Variants in RANBP17 observed in about 807,000 individuals in gnomAD.
RANBP17 encodes RAN binding protein 17, also known as ran-binding protein 17.
A neutral mutation model predicts 141.2 loss-of-function variants in RANBP17; 158 were observed. The ratio of observed to expected loss-of-function variants is 1.12; its 90% CI spans 0.98 to 1.28. The LOEUF (loss-of-function observed/expected upper bound fraction) is 1.28. Among genes scored for constraint, RANBP17 ranks in the 50% most tolerant of loss-of-function variants. The pLI, the probability that RANBP17 is intolerant of heterozygous loss-of-function variation, is 0.00. For synonymous variants in RANBP17, 430 were observed against 450.0 expected (o/e 0.96, Z 0.56); for missense variants, 1,438 against 1,290.7 (o/e 1.11, Z -1.75).
At chr5:170,913,397 T>C (rs1224144095) in intron 7 of RANBP17, among the ~76,000 whole-genome samples, 1 of 151,986 alleles carries the variant, frequency 6.6e-6, no homozygotes, top group African/African-American at 2.4e-5. Flanking sequence ...GTGGAACATG[T>C]TATGAAGAAC....
intron 22 of RANBP17, 137 bp from the exon 23 acceptor site, chr5:171,240,791 T>A: frequency 1.7e-6 from 1 of 580,588 alleles, no homozygotes; most frequent in Non-Finnish European, 3.0e-6. Context: ...TTTATTACAA[T>A]GAATAAAAAA....
At chr5:171,074,937 C>T (rs1427206223) in intron 14 of RANBP17, among the ~76,000 whole-genome samples, 1 of 152,174 alleles carries the variant, frequency 6.6e-6, no homozygotes, top group Non-Finnish European at 1.5e-5. Flanking sequence ...TTTGCACATG[C>T]TGTCTCAATC....
intron 25 of RANBP17, among the ~76,000 whole-genome samples, chr5:171,275,190 A>T (rs900569612): frequency 2.6e-5 from 4 of 152,252 alleles, no homozygotes; most frequent in African/African-American, 9.6e-5. Flanking sequence ...AGCCAGTGAC[A>T]ATACATTTAA....
chr5:171,231,471 T>TA (rs1764206672), intron 22 of RANBP17, among the ~76,000 whole-genome samples: 1 of 152,178 alleles, frequency 6.6e-6, no homozygotes, highest in Non-Finnish European at 1.5e-5. Flanking sequence ...CCATCTTCAA[T>TA]ATAGTTTTCT....
intron 14 of RANBP17, among the ~76,000 whole-genome samples, chr5:171,059,038 A>G (rs1316860448): frequency 1.4e-5 from 2 of 143,098 alleles, no homozygotes; most frequent in East Asian, 4.7e-4. Context: ...AATTTGTTTG[A>G]GTTCATTGTA....
chr5:171,046,740 C>T (rs1782614425), intron 14 of RANBP17, among the ~76,000 whole-genome samples: 1 of 151,972 alleles, frequency 6.6e-6, no homozygotes, highest in Non-Finnish European at 1.5e-5. Flanking sequence ...TGCAATTTGC[C>T]TTCCAAGAAG....
At chr5:171,237,941 T>C (rs1316673027) in intron 22 of RANBP17, among the ~76,000 whole-genome samples, 1 of 152,198 alleles carries the variant, frequency 6.6e-6, no homozygotes, top group Non-Finnish European at 1.5e-5. Flanking sequence ...TTTCAGCTTT[T>C]TGAGGGCAGG....
intron 2 of RANBP17, among the ~76,000 whole-genome samples, chr5:170,879,186 G>A (rs1290118488): frequency 6.6e-6 from 1 of 151,948 alleles, no homozygotes; most frequent in Non-Finnish European, 1.5e-5. Context: ...ACATAGATAG[G>A]TACTGCTAAA....
intron 14 of RANBP17, among the ~76,000 whole-genome samples, chr5:171,057,451 G>A (rs76151538): frequency 0.027 from 4,051 of 151,816 alleles, 175 homozygotes; most frequent in African/African-American, 0.092. Flanking sequence ...ATATCTCCTG[G>A]AAATCATTCC....
Position 171,171,299 on chromosome 5 carries a change from C to T in RANBP17, c.1865+13C>T. On this transcript the variant is annotated intron_variant, in intron 16 of 27. Coordinates refer to ENST00000523189, the MANE Select transcript of RANBP17 (RefSeq NM_022897.5). ...ACCTTTCTGTTGGATATCCTTTTCA[C>T]TGTATATCTGACATTATGTGTAAAC... 1 of 1,408,568 alleles carries T rather than the reference C, an allele frequency of 7.1e-7. No individual in the cohort carries two copies. Among genetic ancestry groups the T allele is most frequent in the Non-Finnish European group, 9.9e-7 (1 of 1,007,114 alleles). 87.3% of individuals were successfully genotyped at this position (1,408,568 alleles called of 1,614,324 possible).
chr5:171,106,315 T>C (rs1754830583), intron 14 of RANBP17, among the ~76,000 whole-genome samples: 2 of 151,996 alleles, frequency 1.3e-5, no homozygotes, highest in African/African-American at 2.4e-5. Flanking sequence ...GCCTTGAAGA[T>C]GAAGTGGGAG....
chr5:171,062,032 T>G (rs1783910872), intron 14 of RANBP17, among the ~76,000 whole-genome samples: 1 of 151,758 alleles, frequency 6.6e-6, no homozygotes, highest in Admixed American at 6.6e-5. Flanking sequence ...CTCCATCCTT[T>G]TATTTTGAGC....
At position 171,204,069 on chromosome 5, in the gene RANBP17, C is replaced by T. The variant is rs1427332793; in HGVS notation, c.2143-1455C>T. ...AAAAGGCAAAATGTTTAAAAACAAGCAGCAGGTTACATGAGGGAACTACAA... is the reference window on the plus strand; with the variant it reads ...AAAAGGCAAAATGTTTAAAAACAAGTAGCAGGTTACATGAGGGAACTACAA... On this transcript the variant is annotated intron_variant, in intron 19 of 27. Coordinates refer to ENST00000523189, the MANE Select transcript of RANBP17 (RefSeq NM_022897.5). 2.0e-5 allele frequency among the ~76,000 whole-genome samples: 3 copies of T among 151,956 alleles called. No homozygotes were observed. The East Asian group carries it at 5.8e-4, about 29-fold the overall frequency.
At chr5:171,191,028 AGG>A (rs954511693) in intron 18 of RANBP17, among the ~76,000 whole-genome samples, 1 of 152,168 alleles carries the variant, frequency 6.6e-6, no homozygotes, top group Non-Finnish European at 1.5e-5. Context: ...TTTAATTACT[AGG>A]GGGATACTAA....
intron 13 of RANBP17, among the ~76,000 whole-genome samples, chr5:170,954,722 T>C (rs527791655): frequency 4.6e-5 from 7 of 152,324 alleles, no homozygotes; most frequent in African/African-American, 1.4e-4. Flanking sequence ...TTTTTAGTTA[T>C]ATCTTTATGT....
At chr5:170,895,635 G>A (rs900610740) in intron 4 of RANBP17, among the ~76,000 whole-genome samples, 3 of 152,134 alleles carry the variant, frequency 2.0e-5, no homozygotes, top group African/African-American at 2.4e-5. Context: ...ATTGTTGAGT[G>A]TCTCTATCTC....
intron 19 of RANBP17, among the ~76,000 whole-genome samples, chr5:171,205,266 A>G (rs1298723315): frequency 6.6e-6 from 1 of 152,174 alleles, no homozygotes; most frequent in East Asian, 1.9e-4. Flanking sequence ...TTCAGAAACA[A>G]AGTATATTAA....
rs955832867 is a variant in RANBP17, at chr5:171,061,506, A to T, written c.1710+93129A>T. Among the ~76,000 whole-genome samples, 198 of 152,000 alleles carry T rather than the reference A, an allele frequency of 1.3e-3. 1 individual carries two copies. Among genetic ancestry groups the T allele is most frequent in the African/African-American group, 4.7e-3 (193 of 41,462 alleles). On this transcript the variant is annotated intron_variant, in intron 14 of 27. Coordinates refer to ENST00000523189, the MANE Select transcript of RANBP17 (RefSeq NM_022897.5). ...TTTCTTAATCCTGAGTTCTAGTTTG[A>T]TTGCACTGTGGTCTGAGAGACAGTT...
At chr5:170,934,045 G>C (rs2127462838) in intron 12 of RANBP17, among the ~76,000 whole-genome samples, 1 of 152,264 alleles carries the variant, frequency 6.6e-6, no homozygotes, top group East Asian at 1.9e-4. Context: ...TTGTACGGGA[G>C]TCTAAGTCTC....
Sources: gnomAD v4.1 joint callset for allele counts (sites outside exome capture counted in the v4.1 genomes callset) on GRCh38, gnomAD v4.1.1 for gene constraint, MANE v1.5 for transcripts, NCBI Gene and HGNC (gene_info 2026-07-23, HGNC 2026-07-21) for gene names.